Variants in LPP observed in about 807,000 individuals in gnomAD.
LPP encodes the protein lipoma-preferred partner.
LPP carries 38 observed loss-of-function variants against 60.4 expected under a neutral mutation model. The ratio of observed to expected loss-of-function variants is 0.63; its 90% CI spans 0.49 to 0.83. LPP has a LOEUF of 0.83. Ranked by LOEUF, LPP falls within the 40% of genes least tolerant of loss-of-function variation. The probability of loss-of-function intolerance (pLI) is 0.00; values close to 1 mark genes in which losing one functional copy is unlikely to be tolerated. For synonymous variants in LPP, 328 were observed against 290.8 expected (o/e 1.13, Z -1.30); for missense variants, 902 against 783.6 (o/e 1.15, Z -1.80).
At chr3:188,858,537 G>C (rs942893658) in intron 9 of LPP, among the ~76,000 whole-genome samples, 4 of 152,112 alleles carry the variant, frequency 2.6e-5, no homozygotes, top group African/African-American at 9.7e-5. Flanking sequence ...TAACCCTAGT[G>C]CTTAAGAATA....
intron 6 of LPP, among the ~76,000 whole-genome samples, chr3:188,532,416 C>T (rs1307261787): frequency 4.3e-5 from 6 of 140,172 alleles, no homozygotes; most frequent in African/African-American, 1.7e-4. Flanking sequence ...CAGAGCAAAA[C>T]TCTGTCTCAA....
At chr3:188,668,436 T>C (rs1856265245) in intron 7 of LPP, among the ~76,000 whole-genome samples, 1 of 152,194 alleles carries the variant, frequency 6.6e-6, no homozygotes, top group African/African-American at 2.4e-5. Flanking sequence ...TATGTAACTT[T>C]TCAGGTATTA....
chr3:188,473,330 G>T (rs1422339445), intron 4 of LPP, among the ~76,000 whole-genome samples: 2 of 152,134 alleles, frequency 1.3e-5, no homozygotes, highest in Non-Finnish European at 2.9e-5. Flanking sequence ...GATTGTCCTA[G>T]TGATGTCTCT....
chr3:188,370,684 AACTGTGTTGGGCAG>A (rs1421614537), intron 3 of LPP, among the ~76,000 whole-genome samples: 4 of 152,130 alleles, frequency 2.6e-5, no homozygotes, highest in Non-Finnish European at 4.4e-5. Context: ...GCATCTGCCC[AACTGTGTTGGGCAG>A]AATGGTTTTT....
At chr3:188,709,417 C>A (rs1381609173) in intron 8 of LPP, 1 of 152,096 alleles carries the variant, frequency 6.6e-6, no homozygotes, top group Non-Finnish European at 1.5e-5. Context: ...AGTATACTGG[C>A]GTGATCTTGG....
At chr3:188,173,343 A>G (rs1348767505) in intron 1 of LPP, among the ~76,000 whole-genome samples, 1 of 152,028 alleles carries the variant, frequency 6.6e-6, no homozygotes, top group African/African-American at 2.4e-5. Context: ...TCTATTTAAA[A>G]AAATACAAAA....
At chr3:188,850,770 G>A (rs1285612700) in intron 9 of LPP, among the ~76,000 whole-genome samples, 2 of 152,180 alleles carry the variant, frequency 1.3e-5, no homozygotes, top group Non-Finnish European at 2.9e-5. Flanking sequence ...CAGGGAAGCA[G>A]CAGTGCCTGG....
At chr3:188,762,559 T>G (rs1732732891) in intron 9 of LPP, among the ~76,000 whole-genome samples, 1 of 152,168 alleles carries the variant, frequency 6.6e-6, no homozygotes, top group Admixed American at 6.5e-5. Flanking sequence ...CTAATCTGAT[T>G]AAATAATAGG....
chr3:188,609,675 C>A lies in LPP; in HGVS notation c.944C>A (p.Pro315His). ...PGYGGRNDSD[P>H]TYGQQGHPNT... ...TATGGGGGCAGAAATGACTCTGACC[C>A]TACCTATGGTCAACAAGGTCACCCA... Residue 315 changes from proline (P) to histidine (H), a missense_variant, in exon 7 of 12, where the codon CCT becomes CAT. Transcript: ENST00000617246. This position sits in a 1 kb window ranked among gnomAD's most constrained non-coding sequence, Gnocchi z 6.9. 1 of 1,614,140 alleles carries A rather than the reference C, an allele frequency of 6.2e-7. No individual in the cohort carries two copies.
At chr3:188,775,088 T>C (rs1737317517) in intron 9 of LPP, among the ~76,000 whole-genome samples, 1 of 148,198 alleles carries the variant, frequency 6.7e-6, no homozygotes, top group Non-Finnish European at 1.5e-5. Flanking sequence ...AGTCTCACTC[T>C]GTTGCCCAGG....
chr3:188,390,376 C>A (rs1205041886), intron 3 of LPP, among the ~76,000 whole-genome samples: 3 of 151,986 alleles, frequency 2.0e-5, no homozygotes, highest in Admixed American at 2.0e-4. Flanking sequence ...TATAGCTTTC[C>A]TTTGAAATTC....
At chr3:188,624,327 C>T (rs1035923228) in intron 7 of LPP, among the ~76,000 whole-genome samples, 6 of 152,126 alleles carry the variant, frequency 3.9e-5, no homozygotes, top group Non-Finnish European at 5.9e-5. Flanking sequence ...AAATCCAGCC[C>T]ATTTATATCT....
Position 188,524,680 on chromosome 3 carries a change from A to C in LPP, c.322A>C (p.Lys108Gln). The change falls in exon 6 of 12, where the codon AAG becomes CAG. Residue 108 changes from lysine (K) to glutamine (Q), a missense_variant. Coordinates refer to ENST00000617246, the MANE Select transcript of LPP (RefSeq NM_001375462.1). ...AFKVQGNPGG[K>Q]TLEERRSSLD... ...CTTCCAACAGGGGAATCCCGGAGGC[A>C]AGACACTTGAGGAGAGGCGCTCCAG... 6.2e-7 allele frequency: 1 copy of C among 1,613,764 alleles called. No individual in the cohort carries two copies. The highest frequency in any genetic ancestry group is 8.5e-7 in the Non-Finnish European group (1 of 1,179,796).
intron 1 of LPP, among the ~76,000 whole-genome samples, chr3:188,176,252 A>G (rs187552427): frequency 6.6e-6 from 1 of 152,258 alleles, no homozygotes; most frequent in African/African-American, 2.4e-5. Flanking sequence ...AGGTGCTACT[A>G]ATGTTGAAGA....
chr3:188,369,605 A>T (rs1336461258), intron 3 of LPP, among the ~76,000 whole-genome samples: 1 of 152,202 alleles, frequency 6.6e-6, no homozygotes, highest in African/African-American at 2.4e-5. Context: ...GTTATTATCA[A>T]TAATAATAGC....
At chr3:188,867,879 C>A (rs182473837) in intron 10 of LPP, among the ~76,000 whole-genome samples, 1 of 152,260 alleles carries the variant, frequency 6.6e-6, no homozygotes, top group African/African-American at 2.4e-5. Context: ...AGCCAGGAAG[C>A]ACTTACCCCA....
intron 2 of LPP, among the ~76,000 whole-genome samples, chr3:188,309,076 T>C: frequency 6.7e-6 from 1 of 148,448 alleles, no homozygotes; most frequent in African/African-American, 2.5e-5. Flanking sequence ...GGCTGGAGTG[T>C]AGTGGTGCAA....
rs543714402 is a variant in LPP, at chr3:188,618,822, C to T, written c.1113+8978C>T. Among the ~76,000 whole-genome samples, 194 of 152,166 alleles carry T rather than the reference C, an allele frequency of 1.3e-3. 1 individual carries two copies. Among genetic ancestry groups the T allele is most frequent in the African/African-American group, 4.6e-3 (189 of 41,520 alleles). ...TATGCCTCCTCAAATATGACACCAT[C>T]TTTTTTTAAATTCACATTTAAAGAT... On this transcript the variant is annotated intron_variant, in intron 7 of 11. Transcript: ENST00000617246.
intron 7 of LPP, among the ~76,000 whole-genome samples, chr3:188,694,093 C>T (rs566571425): frequency 1.1e-4 from 16 of 152,220 alleles, no homozygotes; most frequent in African/African-American, 3.9e-4. Context: ...CTAAAGTTGC[C>T]TCCCACATTT....
Sources: allele counts gnomAD v4.1 joint callset (sites outside exome capture counted in the v4.1 genomes callset), GRCh38; gene constraint gnomAD v4.1.1; non-coding constraint Gnocchi (gnomAD v3.1); transcripts MANE v1.5; gene names NCBI Gene and HGNC (gene_info 2026-07-23, HGNC 2026-07-21).